FAM47E: variants seen among roughly 807,000 people sequenced by gnomAD.
The protein encoded by FAM47E is family with sequence similarity 47 member E.
A neutral mutation model predicts 41.6 loss-of-function variants in FAM47E; 32 were observed. That is an observed-to-expected ratio of 0.77 (90% confidence interval 0.58 to 1.03). The LOEUF (loss-of-function observed/expected upper bound fraction) is 1.03. Among genes scored for constraint, FAM47E ranks in the 50% least tolerant of loss-of-function variants. FAM47E has a pLI of 0.00. For synonymous variants in FAM47E, 184 were observed against 188.7 expected (o/e 0.98, Z 0.20); for missense variants, 424 against 485.4 (o/e 0.87, Z 1.19).
chr4:76,245,881 A>G (rs781561896), intron 2 of FAM47E, among the ~76,000 whole-genome samples: 16 of 152,118 alleles, frequency 1.1e-4, no homozygotes, highest in East Asian at 1.9e-4. Flanking sequence ...CCACTTAACC[A>G]TAACCTCCTG....
chr4:76,276,553 G>A (rs1735126074), intron 5 of FAM47E, among the ~76,000 whole-genome samples: 1 of 150,606 alleles, frequency 6.6e-6, no homozygotes, highest in Admixed American at 6.7e-5. Flanking sequence ...TGTATATTTA[G>A]TAGAGACAGG....
intron 1 of FAM47E, among the ~76,000 whole-genome samples, chr4:76,215,237 G>A (rs999445168): frequency 6.6e-6 from 1 of 152,196 alleles, no homozygotes; most frequent in Non-Finnish European, 1.5e-5. Flanking sequence ...CATTTTCTTG[G>A]CAACTATAGT....
chr4:76,282,041 ATTTGTATGTAGAAGTACAGT>A (rs1735372209), intron 7 of FAM47E: 3 of 56,662 alleles, frequency 5.3e-5, no homozygotes, highest in African/African-American at 1.3e-4. Flanking sequence ...TTAACATAAC[ATTTGTATGTAGAAGTACAGT>A]ACATTTGTAT....
rs537845888 is a variant in FAM47E, at chr4:76,280,103, A to G, written c.1027-161A>G. ...AAGCTGGACATCTTTAAAAGCCTTC[A>G]TATTCATCAACTCATGAACATTACA... is the stretch of plus-strand genomic sequence containing the variant. On this transcript the variant is annotated intron_variant, in intron 6 of 7. Transcript: ENST00000424749. 1.0e-4 allele frequency: 51 copies of G among 500,864 alleles called. 1 individual carries two copies. The South Asian group carries it at 1.4e-3, about 14-fold the overall frequency. The allele number at this position is 500,864 out of a possible 1,614,324, so 31.0% of individuals were successfully genotyped here.
intron 2 of FAM47E, among the ~76,000 whole-genome samples, chr4:76,235,741 G>A (rs187227759): frequency 6.6e-6 from 1 of 152,344 alleles, no homozygotes. Context: ...TCATTGACTA[G>A]TTCTAGATCG....
At position 76,232,938 on chromosome 4, in the gene FAM47E, A is replaced by G. The variant is rs1302411862; in HGVS notation, c.81+15250A>G. ...AATAACCCTTTTGAATTTAGTTAAC[A>G]TGGTCACAGAGAACCTCTTCTGCAA... On this transcript the variant is annotated intron_variant, in intron 2 of 7. Coordinates refer to the FAM47E transcript ENST00000510197. 6.6e-5 allele frequency among the ~76,000 whole-genome samples: 10 copies of G among 152,350 alleles called. No individual in the cohort carries two copies. In the East Asian group the frequency reaches 1.9e-3, roughly 29 times the overall value.
chr4:76,221,278 T>C (rs991532611), intron 2 of FAM47E, among the ~76,000 whole-genome samples: 1 of 151,604 alleles, frequency 6.6e-6, no homozygotes, highest in African/African-American at 2.4e-5. Context: ...GCCTGGGGAG[T>C]TTTTCTTTTC....
At chr4:76,230,113 G>T (rs1402021265) in intron 2 of FAM47E, among the ~76,000 whole-genome samples, 1 of 152,156 alleles carries the variant, frequency 6.6e-6, no homozygotes, top group African/African-American at 2.4e-5. Context: ...TGTCTTTTGT[G>T]ATTGGCTATT....
At chr4:76,276,037 GACACAC>G (rs796893693) in intron 5 of FAM47E, among the ~76,000 whole-genome samples, 4 of 62,348 alleles carry the variant, frequency 6.4e-5, no homozygotes, top group African/African-American at 2.6e-4. Context: ...CAGACAGACA[GACACAC>G]ACACACACAC....
At chr4:76,260,813 A>G (rs1734379244) in intron 2 of FAM47E, among the ~76,000 whole-genome samples, 2 of 152,218 alleles carry the variant, frequency 1.3e-5, no homozygotes, top group African/African-American at 4.8e-5. Flanking sequence ...CAAACTATAC[A>G]TGTGACAAAG....
At chr4:76,214,532 G>A (rs1733162946) in intron 1 of FAM47E, 2 of 345,346 alleles carry the variant, frequency 5.8e-6, no homozygotes, top group Non-Finnish European at 1.2e-5. Flanking sequence ...GAGGTGTTGA[G>A]GCCCCAAGAG....
At chr4:76,243,210 C>G in intron 2 of FAM47E, among the ~76,000 whole-genome samples, 1 of 152,300 alleles carries the variant, frequency 6.6e-6, no homozygotes, top group Admixed American at 6.5e-5. Flanking sequence ...GCTTATAAAC[C>G]ACTCAGTCTA....
rs1472996351 is a variant in FAM47E, at chr4:76,237,063, T to A, written c.81+19375T>A. ...GGCGCCTGTCACCACGCCCGGCTAA[T>A]TTTTTGTATTTTTAGTAGAGACGAG... On this transcript the variant is annotated intron_variant, in intron 2 of 7. Transcript: ENST00000510197. Among the ~76,000 whole-genome samples the A allele has an allele frequency of 3.3e-5, 5 of 151,800 alleles. No individual in the cohort carries two copies. In the East Asian group the frequency reaches 5.8e-4, roughly 18 times the overall value.
chr4:76,272,856 T>C (rs548059817), intron 5 of FAM47E, among the ~76,000 whole-genome samples: 1 of 152,236 alleles, frequency 6.6e-6, no homozygotes. Flanking sequence ...AAATGGAGGG[T>C]CACTATACAA....
chr4:76,276,510 C>A (rs1192594366), intron 5 of FAM47E, among the ~76,000 whole-genome samples: 1 of 152,080 alleles, frequency 6.6e-6, no homozygotes, highest in Non-Finnish European at 1.5e-5. Context: ...GTAGCTGGGA[C>A]TACAGGCATG....
At chr4:76,214,539 A>G in intron 1 of FAM47E, 1 of 346,248 alleles carries the variant, frequency 2.9e-6, no homozygotes, top group South Asian at 2.1e-5. Context: ...TGAGGCCCCA[A>G]GAGGTCAGAC....
intron 2 of FAM47E, among the ~76,000 whole-genome samples, chr4:76,261,058 A>G (rs1234663925): frequency 6.6e-6 from 1 of 152,148 alleles, no homozygotes; most frequent in African/African-American, 2.4e-5. Context: ...CAACAAACAT[A>G]TGAAGAAATA....
At chr4:76,280,685 T>G in intron 7 of FAM47E, 1 of 176,082 alleles carries the variant, frequency 5.7e-6, no homozygotes, top group Admixed American at 6.0e-5. Flanking sequence ...CTGAATTCTC[T>G]AGGATGTTTT....
At chr4:76,231,558 C>T (rs1263614444) in intron 2 of FAM47E, among the ~76,000 whole-genome samples, 1 of 152,256 alleles carries the variant, frequency 6.6e-6, no homozygotes, top group East Asian at 1.9e-4. Flanking sequence ...CATGACAGGA[C>T]TGAGTTGTTT....
Sources: allele counts gnomAD v4.1 joint callset (sites outside exome capture counted in the v4.1 genomes callset), GRCh38; gene constraint gnomAD v4.1.1; transcripts MANE v1.5; gene names NCBI Gene and HGNC (gene_info 2026-07-23, HGNC 2026-07-21).